Variants in CCDC7 observed in about 807,000 individuals in gnomAD.
CCDC7 encodes the protein coiled-coil domain containing 7.
In CCDC7, 183 loss-of-function variants were observed where a neutral mutation model predicts 196.9. The ratio of observed to expected loss-of-function variants is 0.93; its 90% CI spans 0.82 to 1.05. The LOEUF is 1.05. Ranked by LOEUF, CCDC7 falls within the 50% of genes least tolerant of loss-of-function variation. CCDC7 has a pLI of 0.00. For synonymous variants in CCDC7, 525 were observed against 484.6 expected, an observed-to-expected ratio of 1.08 and a Z score of -1.10; for missense variants, 1,540 against 1,482.2, an observed-to-expected ratio of 1.04 and a Z score of -0.64.
Position 32,632,987 on chromosome 10 carries a change from A to G in CCDC7, c.1802-1267A>G, listed in dbSNP as rs776286698. On this transcript the variant is annotated intron_variant, in intron 18 of 41. Coordinates refer to ENST00000639629, the Ensembl canonical transcript of CCDC7. ...TTAATTTATTGTATTCTTCAATTCT[A>G]TTTTCTTCTTGATCTAATGCTTAGT... Among the ~76,000 whole-genome samples the G allele has an allele frequency of 3.9e-5, 6 of 151,912 alleles. No homozygotes were observed. In the East Asian group the frequency reaches 5.8e-4, roughly 15 times the overall value.
chr10:32,719,774 A>G (rs981306901), intron 25 of CCDC7, among the ~76,000 whole-genome samples: 1 of 152,248 alleles, frequency 6.6e-6, no homozygotes, highest in Non-Finnish European at 1.5e-5. Flanking sequence ...AAAAAAGCTC[A>G]TCATCACTGG....
intron 31 of CCDC7, among the ~76,000 whole-genome samples, chr10:32,818,459 A>T (rs1268713516): frequency 6.6e-6 from 1 of 152,180 alleles, no homozygotes; most frequent in African/African-American, 2.4e-5. Context: ...GATATCCAGG[A>T]ATTGAACTCA....
chr10:32,823,185 C>T (rs1339948459), intron 31 of CCDC7, among the ~76,000 whole-genome samples: 2 of 151,894 alleles, frequency 1.3e-5, no homozygotes, highest in Non-Finnish European at 2.9e-5. Flanking sequence ...CTCTGTTGCC[C>T]AGGCTGGAGT....
chr10:32,726,616 A>G (rs1205019616), intron 25 of CCDC7, 118 bp from the exon 27 acceptor site: 1 of 516,324 alleles, frequency 1.9e-6, no homozygotes, highest in Non-Finnish European at 3.4e-6. Context: ...AATTTTATAA[A>G]AATGAGAAAA....
intron 18 of CCDC7, among the ~76,000 whole-genome samples, chr10:32,597,343 G>C (rs1354373066): frequency 6.6e-6 from 1 of 152,158 alleles, no homozygotes; most frequent in Non-Finnish European, 1.5e-5. Flanking sequence ...GTGTCATGCA[G>C]TTCTCGTGCC....
intron 24 of CCDC7, among the ~76,000 whole-genome samples, chr10:32,709,499 AT>A (rs1434907880): frequency 6.6e-6 from 1 of 152,016 alleles, no homozygotes; most frequent in East Asian, 1.9e-4. Flanking sequence ...AAAACTAACC[AT>A]AAAAATAAAA....
At chr10:32,590,035 GACAGTTTAGTCTATTT>G (rs779289743) in intron 18 of CCDC7, among the ~76,000 whole-genome samples, 246 of 152,078 alleles carry the variant, frequency 1.6e-3, no homozygotes, top group Non-Finnish European at 2.8e-3. Flanking sequence ...CTTTTGATTG[GACAGTTTAGTCTATTT>G]ACATTCAGTG....
intron 5 of CCDC7, among the ~76,000 whole-genome samples, chr10:32,466,444 C>T (rs772591988): frequency 1.3e-5 from 2 of 152,072 alleles, no homozygotes; most frequent in Non-Finnish European, 2.9e-5. Context: ...CTCATGTAGA[C>T]CCCAGTGTCT....
chr10:32,709,353 G>T (rs2080405330), intron 24 of CCDC7, among the ~76,000 whole-genome samples: 1 of 151,526 alleles, frequency 6.6e-6, no homozygotes, highest in African/African-American at 2.4e-5. Context: ...ATAGCATTAA[G>T]AGATATACCT....
intron 18 of CCDC7, among the ~76,000 whole-genome samples, chr10:32,596,097 T>C (rs1209046256): frequency 6.6e-6 from 1 of 152,200 alleles, no homozygotes; most frequent in African/African-American, 2.4e-5. Flanking sequence ...CTGGATATCC[T>C]TGTTAACTTT....
At chr10:32,624,984 G>A in intron 18 of CCDC7, among the ~76,000 whole-genome samples, 1 of 51,680 alleles carries the variant, frequency 1.9e-5, no homozygotes, top group Non-Finnish European at 3.6e-5. Flanking sequence ...CTTTGCACAA[G>A]TTTTTTTTTT....
chr10:32,615,099 G>A (rs2062637175), intron 18 of CCDC7, among the ~76,000 whole-genome samples: 2 of 152,090 alleles, frequency 1.3e-5, no homozygotes, highest in Non-Finnish European at 2.9e-5. Context: ...ACAGGTTGTT[G>A]TTTCCGTATC....
exon 29 of CCDC7, chr10:32,779,008 T>A: frequency 1.9e-6 from 3 of 1,550,186 alleles, no homozygotes; most frequent in Non-Finnish European, 2.6e-6. Flanking sequence ...AACTTCCAGA[T>A]ACAGCAGAAA....
At chr10:32,779,420 A>T (rs546156780) in intron 29 of CCDC7, among the ~76,000 whole-genome samples, 13 of 152,362 alleles carry the variant, frequency 8.5e-5, no homozygotes, top group African/African-American at 2.9e-4. Context: ...GTAATTTCTT[A>T]TACCATCTTT....
At chr10:32,787,830 C>G (rs1302588662) in intron 29 of CCDC7, among the ~76,000 whole-genome samples, 2 of 152,072 alleles carry the variant, frequency 1.3e-5, no homozygotes, top group East Asian at 3.9e-4. Flanking sequence ...CCCCAGGCTT[C>G]AGGCTCGCCC....
intron 20 of CCDC7, among the ~76,000 whole-genome samples, chr10:32,654,564 T>C (rs1168552492): frequency 6.6e-6 from 1 of 152,194 alleles, no homozygotes; most frequent in Non-Finnish European, 1.5e-5. Context: ...GAAGTCTGCT[T>C]AGTTAGCTTA....
intron 28 of CCDC7, among the ~76,000 whole-genome samples, chr10:32,761,753 C>T (rs11598580): frequency 0.14 from 21,756 of 151,802 alleles, 1,898 homozygotes; most frequent in African/African-American, 0.25. Context: ...ATGAGAGCAT[C>T]GATTAGGATA....
chr10:32,721,677 C>T (rs1265485216), intron 25 of CCDC7, among the ~76,000 whole-genome samples: 1 of 151,946 alleles, frequency 6.6e-6, no homozygotes, highest in Non-Finnish European at 1.5e-5. Context: ...ACCTTATGCC[C>T]CTTTCTAGAT....
intron 13 of CCDC7, among the ~76,000 whole-genome samples, chr10:32,553,870 T>C (rs2053912084): frequency 6.6e-6 from 1 of 152,196 alleles, no homozygotes; most frequent in South Asian, 2.1e-4. Flanking sequence ...GCGGTGGCTG[T>C]GGCCCTAGAA....
Sources: allele counts gnomAD v4.1 joint callset (sites outside exome capture counted in the v4.1 genomes callset), GRCh38; gene constraint gnomAD v4.1.1; transcripts MANE v1.5; gene names NCBI Gene and HGNC (gene_info 2026-07-23, HGNC 2026-07-21).